Variants in EPB41L1 observed in about 807,000 individuals in gnomAD.
The protein encoded by EPB41L1 is band 4.1-like protein 1.
In EPB41L1, 29 loss-of-function variants were observed where a neutral mutation model predicts 97.8. The ratio of observed to expected loss-of-function variants is 0.30; its 90% CI spans 0.22 to 0.40. EPB41L1 has a LOEUF of 0.40. Ranked by LOEUF, EPB41L1 falls within the 10% of genes least tolerant of loss-of-function variation. The probability of loss-of-function intolerance (pLI) is 1.00; values close to 1 mark genes in which losing one functional copy is unlikely to be tolerated. For synonymous variants in EPB41L1, 383 were observed against 459.2 expected (o/e 0.83, Z 2.12); for missense variants, 812 against 1,162.3 (o/e 0.70, Z 4.38).
chr20:36,196,964 G>A (rs2062234710), intron 13 of EPB41L1, among the ~76,000 whole-genome samples: 1 of 152,312 alleles, frequency 6.6e-6, no homozygotes, highest in East Asian at 1.9e-4. Context: ...CTACAACTCT[G>A]GCTATACCTG....
chr20:36,167,413 A>T (rs529943063), intron 1 of EPB41L1, among the ~76,000 whole-genome samples: 149 of 152,086 alleles, frequency 9.8e-4, no homozygotes, highest in Non-Finnish European at 1.7e-3. Context: ...GGGGGTTTTA[A>T]AGAGGGCATC....
At chr20:36,138,094 C>T (rs2059488461) in intron 2 of EPB41L1, among the ~76,000 whole-genome samples, 1 of 152,136 alleles carries the variant, frequency 6.6e-6, no homozygotes, top group African/African-American at 2.4e-5. Context: ...ATATGTACAA[C>T]ATTTTGTTTA....
At chr20:36,148,214 C>G (rs2059911867) in intron 2 of EPB41L1, among the ~76,000 whole-genome samples, 1 of 152,074 alleles carries the variant, frequency 6.6e-6, no homozygotes, top group Non-Finnish European at 1.5e-5. Flanking sequence ...TGAAAAGTGG[C>G]CATTATCCTA....
chr20:36,193,728 T>C (rs2146426624), intron 11 of EPB41L1, among the ~76,000 whole-genome samples: 1 of 152,318 alleles, frequency 6.6e-6, no homozygotes, highest in Non-Finnish European at 1.5e-5. Context: ...ATTTGTGTGT[T>C]GCTAAATGAT....
chr20:36,114,671 C>T (rs2058529437), intron 2 of EPB41L1, among the ~76,000 whole-genome samples: 1 of 152,334 alleles, frequency 6.6e-6, no homozygotes, highest in Middle Eastern at 3.4e-3. Flanking sequence ...GGTTGACTCT[C>T]TCTCTGCCAT....
intron 9 of EPB41L1, 118 bp downstream of exon 9, chr20:36,188,617 CACACACACACACACACACACACACAGAG>C (rs1159575542): frequency 1.9e-5 from 12 of 644,916 alleles, no homozygotes; most frequent in Middle Eastern, 4.6e-4. Flanking sequence ...CACACACACA[CACACACACACACACACACACACACAGAG>C]AGAGAGAGAG....
chr20:36,203,147 C>G (rs1230623411), intron 14 of EPB41L1, among the ~76,000 whole-genome samples: 1 of 152,222 alleles, frequency 6.6e-6, no homozygotes, highest in Admixed American at 6.5e-5. Flanking sequence ...CACGCCAACC[C>G]CTCGGGCCAG....
chr20:36,170,871 G>A (rs902728924), intron 1 of EPB41L1, among the ~76,000 whole-genome samples: 5 of 152,164 alleles, frequency 3.3e-5, no homozygotes, highest in East Asian at 1.9e-4. Flanking sequence ...CTCCTCTGTC[G>A]TTCTGGGAGC....
intron 1 of EPB41L1, among the ~76,000 whole-genome samples, chr20:36,103,669 TG>T (rs1180059422): frequency 6.6e-6 from 1 of 152,100 alleles, no homozygotes; most frequent in Non-Finnish European, 1.5e-5. Context: ...TATTATTTTT[TG>T]GTTAATAGTT....
chr20:36,174,156 G>T (rs1429297900), intron 2 of EPB41L1, among the ~76,000 whole-genome samples: 1 of 152,150 alleles, frequency 6.6e-6, no homozygotes, highest in African/African-American at 2.4e-5. Flanking sequence ...CTGTTGCCCA[G>T]GCTGGAGTGC....
chr20:36,207,636 C>T lies in EPB41L1; in HGVS notation c.1669-1852C>T. The T allele has an allele frequency of 7.8e-7, 1 of 1,290,160 alleles. No individual in the cohort carries two copies. Among genetic ancestry groups the T allele is most frequent in the Non-Finnish European group, 1.0e-6 (1 of 988,944 alleles). 79.9% of individuals were successfully genotyped at this position (1,290,160 alleles called of 1,614,324 possible). On this transcript the variant is annotated intron_variant, in intron 14 of 21. Coordinates refer to ENST00000338074, the MANE Select transcript of EPB41L1 (RefSeq NM_012156.2). The surrounding 1 kb of genome is among the most constrained non-coding windows in gnomAD (Gnocchi z 4.9). ...CAGGGGACTTTGCCAGCCCCAAAGC[C>T]ACACATTCCACAGTGATACCTCTGG...
At position 36,187,666 on chromosome 20, in the gene EPB41L1, T is replaced by C. The variant is rs199652005; in HGVS notation, c.786-10T>C. On this transcript the variant is annotated splice_polypyrimidine_tract_variant and intron_variant, in intron 7 of 21. Transcript: ENST00000338074. ...CCCTTGGTCACCTGTGATCACTTTC[T>C]TTCCCTCAGGGGGATGACCCCGGGA... 176 of 1,613,256 alleles carry C rather than the reference T, an allele frequency of 1.1e-4. No homozygotes were observed. The African/African-American group carries it at 1.9e-3, about 18-fold the overall frequency.
rs2057690119 is a variant in EPB41L1, at chr20:36,092,635, G to C, written c.-65+1023G>C. 1.3e-5 allele frequency: 2 copies of C among 151,732 alleles called. No homozygotes were observed. The highest frequency in any genetic ancestry group is 4.8e-5 in the African/African-American group (2 of 41,344). 9.4% of individuals were successfully genotyped at this position (151,732 alleles called of 1,614,324 possible). On this transcript the variant is annotated intron_variant, in intron 1 of 19. Transcript: ENST00000202028. This position sits in a 1 kb window ranked among gnomAD's most constrained non-coding sequence, Gnocchi z 7.0. ...CGGGGCGGGGCGGAGCGGCGAGAGG[G>C]GGTGTGGGGGGCGGGCGAGGAGGGG... is the stretch of plus-strand genomic sequence containing the variant.
At position 36,173,844 on chromosome 20, in the gene EPB41L1, GA is replaced by G. The variant is rs2061103571; in HGVS notation, c.68del (p.Glu23GlyfsTer6). 6.2e-7 allele frequency: 1 copy of G among 1,612,612 alleles called. No individual in the cohort carries two copies. The highest frequency in any genetic ancestry group is 1.7e-5 in the Admixed American group (1 of 59,968). On this transcript the variant is annotated frameshift_variant, in exon 2 of 22. Coordinates refer to ENST00000338074, the MANE Select transcript of EPB41L1 (RefSeq NM_012156.2). LOFTEE classifies it high-confidence loss of function. ...KAQEEAPQQP[E>X]AAAAVTTPVT... ...TCAGGAGGAGGCCCCGCAGCAGCCC[GA>G]GGCTGCTGCCGCTGTGACCACCCCT...
chr20:36,150,072 T>C (rs1600599863), upstream of EPB41L1, among the ~76,000 whole-genome samples: 1 of 148,832 alleles, frequency 6.7e-6, no homozygotes, highest in African/African-American at 2.5e-5. Context: ...GTTTTTTTGT[T>C]TTTTTTTTTT....
intron 1 of EPB41L1, among the ~76,000 whole-genome samples, chr20:36,166,084 G>C (rs1483734766): frequency 1.3e-5 from 2 of 152,258 alleles, no homozygotes; most frequent in African/African-American, 4.8e-5. Flanking sequence ...AGGCTGGCTG[G>C]TAGCCACAAA....
intron 1 of EPB41L1, 56 bp from the exon 2 acceptor site, chr20:36,173,708 G>A (rs763401527): frequency 7.3e-5 from 112 of 1,530,174 alleles, no homozygotes; most frequent in Non-Finnish European, 9.7e-5. Flanking sequence ...TGCCCCTCTC[G>A]CTGTCATACC....
At chr20:36,208,534 ATG>A in intron 14 of EPB41L1, 1 of 250,220 alleles carries the variant, frequency 4.0e-6, no homozygotes, top group South Asian at 3.6e-5. Context: ...CTTGTCTGGA[ATG>A]TCTCCCTCAC....
chr20:36,202,674 G>A (rs773202382), intron 14 of EPB41L1, among the ~76,000 whole-genome samples: 1 of 151,474 alleles, frequency 6.6e-6, no homozygotes, highest in African/African-American at 2.4e-5. Flanking sequence ...TAAGCTGGGC[G>A]TGGTGGCGCG....
Sources: allele counts gnomAD v4.1 joint callset (sites outside exome capture counted in the v4.1 genomes callset), GRCh38; gene constraint gnomAD v4.1.1; non-coding constraint Gnocchi (gnomAD v3.1); transcripts MANE v1.5; gene names NCBI Gene and HGNC (gene_info 2026-07-23, HGNC 2026-07-21).